PAPSS2: variants seen among roughly 807,000 people sequenced by gnomAD.
The protein encoded by PAPSS2 is 3'-phosphoadenosine 5'-phosphosulfate synthase 2.
In PAPSS2, 61 loss-of-function variants were observed where a neutral mutation model predicts 66.5. The ratio of observed to expected loss-of-function variants is 0.92; its 90% CI spans 0.75 to 1.14. The LOEUF (loss-of-function observed/expected upper bound fraction) is 1.14. Among genes scored for constraint, PAPSS2 ranks in the 50% most tolerant of loss-of-function variants. The pLI is 0.00. For missense variants in PAPSS2, 708 were observed against 789.6 expected (o/e 0.90, Z 1.24); for synonymous variants, 289 against 287.5 (o/e 1.01, Z -0.05).
intron 8 of PAPSS2, among the ~76,000 whole-genome samples, chr10:87,724,483 G>T (rs1853633268): frequency 6.6e-6 from 1 of 151,466 alleles, no homozygotes. Context: ...TATAGTCAGG[G>T]TTCTCCAGAG....
Position 87,659,889 on chromosome 10 carries a change from C to A in PAPSS2, c.-93C>A, listed in dbSNP as rs1269497685. 2.3e-6 allele frequency: 3 copies of A among 1,276,872 alleles called. No homozygotes were observed. The Admixed American group carries it at 5.2e-5, about 22-fold the overall frequency. The allele number at this position is 1,276,872 out of a possible 1,614,324, so 79.1% of individuals were successfully genotyped here. A position where few individuals can be genotyped will look rare whatever the true frequency, so the allele number is the denominator to read the frequency against. ...CCCGGGAGTCCGGCAGCCGCTGCTGCTGCTGCTGCTGCTGCTGCCGCCGCC... is the reference window on the plus strand; with the variant it reads ...CCCGGGAGTCCGGCAGCCGCTGCTGATGCTGCTGCTGCTGCTGCCGCCGCC... On this transcript the variant is annotated 5_prime_UTR_variant, in exon 1 of 13. The change creates a new upstream start codon in the 5' untranslated region. Transcript: ENST00000456849.
At chr10:87,744,970 T>C (rs753094546) in intron 11 of PAPSS2, 32 bp from the exon 12 acceptor site, 12 of 1,584,522 alleles carry the variant, frequency 7.6e-6, no homozygotes, top group Non-Finnish European at 9.5e-6. Context: ...TGACCCACAA[T>C]GACCAGCATG....
chr10:87,689,769 G>A (rs566306734), intron 1 of PAPSS2, among the ~76,000 whole-genome samples: 1 of 146,908 alleles, frequency 6.8e-6, no homozygotes, highest in Non-Finnish European at 1.5e-5. Context: ...AATAGAACAA[G>A]GGGTAAAGAG....
In PAPSS2 at chr10:87,660,063, C is replaced by G. The variant is rs1004798203; in HGVS notation, c.27+55C>G. On this transcript the variant is annotated intron_variant, in intron 1 of 12. Transcript: ENST00000456849. ...CGCCACCGCACTGCACGCGCCGACC[C>G]CCAACCCCCAATTCCCCGGCACTTG... 8.8e-5 allele frequency: 138 copies of G among 1,566,556 alleles called. No individual in the cohort carries two copies. In the Admixed American group the frequency reaches 1.3e-3, roughly 14 times the overall value.
intron 1 of PAPSS2, among the ~76,000 whole-genome samples, chr10:87,693,401 A>G (rs558287888): frequency 4.6e-5 from 7 of 152,340 alleles, no homozygotes; most frequent in African/African-American, 1.2e-4. Context: ...GCAGAGAGTG[A>G]ACAACCTTTG....
At chr10:87,700,014 CT>C (rs1271569214) in intron 1 of PAPSS2, among the ~76,000 whole-genome samples, 1 of 151,970 alleles carries the variant, frequency 6.6e-6, no homozygotes, top group African/African-American at 2.4e-5. Context: ...GATTTTCAGA[CT>C]TTTTTCTATA....
rs747792389 is a variant in PAPSS2, at chr10:87,714,173, G to T, written c.511G>T (p.Glu171Ter). ...KGLYKRARAG[E>*]IKGFTGIDSD... ...CCTCTATAAAAGGGCCAGAGCTGGGGAGATTAAAGGTAAGAGAATTGGCTA... is the reference window on the plus strand; with the variant it reads ...CCTCTATAAAAGGGCCAGAGCTGGGTAGATTAAAGGTAAGAGAATTGGCTA... Residue 171 changes from glutamate to a stop codon, truncating the protein, a stop_gained, in exon 4 of 13, where the codon GAG becomes TAG. Transcript: ENST00000456849. LOFTEE classifies it high-confidence loss of function. The T allele has an allele frequency of 6.2e-7, 1 of 1,613,280 alleles. No individual in the cohort carries two copies. The highest frequency in any genetic ancestry group is 8.5e-7 in the Non-Finnish European group (1 of 1,179,878).
At chr10:87,704,672 C>T (rs12256257) in intron 1 of PAPSS2, among the ~76,000 whole-genome samples, 22,406 of 152,110 alleles carry the variant, frequency 0.15, 1,707 homozygotes, top group South Asian at 0.24. Flanking sequence ...GACAAAGTCT[C>T]GCTCTTTTGC....
intron 1 of PAPSS2, among the ~76,000 whole-genome samples, chr10:87,694,858 A>G (rs917886397): frequency 6.6e-6 from 1 of 152,226 alleles, no homozygotes. Flanking sequence ...CAGGGAAATG[A>G]TGTGATGGCT....
At chr10:87,691,175 C>A (rs1311575446) in intron 1 of PAPSS2, among the ~76,000 whole-genome samples, 1 of 152,180 alleles carries the variant, frequency 6.6e-6, no homozygotes, top group Non-Finnish European at 1.5e-5. Context: ...TGGCACCTAT[C>A]CTCTTCCAAG....
chr10:87,720,250 A>G (rs927405806), intron 7 of PAPSS2, among the ~76,000 whole-genome samples: 1 of 152,150 alleles, frequency 6.6e-6, no homozygotes, highest in Admixed American at 6.5e-5. Context: ...CAATCTACAC[A>G]ACAAAATGGA....
rs66686947 is a variant in PAPSS2 at position 87,734,663 on chromosome 10, GTATATATATATATATATATATA to G, written c.1087-6550_1087-6529del. On this transcript the variant is annotated intron_variant, in intron 9 of 12. Coordinates refer to ENST00000456849, the MANE Select transcript of PAPSS2 (RefSeq NM_001015880.2). The stretch of plus-strand genomic sequence containing the variant: ...TGATAGCACAGAAATGAATGTGTGT[GTATATATATATATATATATATA>G]TATATATATATATATATATATGTAT... 1.2e-3 allele frequency among the ~76,000 whole-genome samples: 99 copies of G among 81,112 alleles called. 1 individual carries two copies. Among genetic ancestry groups the G allele is most frequent in the African/African-American group, 4.0e-3 (76 of 18,986 alleles). The allele number at this position is 81,112 out of a possible 152,430, so 53.2% of individuals were successfully genotyped here.
chr10:87,666,260 A>G (rs993943333), intron 1 of PAPSS2, among the ~76,000 whole-genome samples: 4 of 152,104 alleles, frequency 2.6e-5, no homozygotes, highest in African/African-American at 9.7e-5. Flanking sequence ...CACCATGCTC[A>G]TCCTGTTGTT....
At chr10:87,740,869 G>A (rs1268295716) in intron 9 of PAPSS2, among the ~76,000 whole-genome samples, 1 of 152,102 alleles carries the variant, frequency 6.6e-6, no homozygotes, top group African/African-American at 2.4e-5. Flanking sequence ...CCTACATTTG[G>A]GGAGGAAAAT....
At chr10:87,707,779 C>G (rs953911692) in intron 1 of PAPSS2, among the ~76,000 whole-genome samples, 28 of 151,810 alleles carry the variant, frequency 1.8e-4, no homozygotes, top group Non-Finnish European at 3.5e-4. Flanking sequence ...ACTATGTTGC[C>G]CAGGCTGATC....
rs138335902 is a variant in PAPSS2, at chr10:87,670,561, G to A, written c.27+10553G>A. ...ATATTCCCATTCTCAGGAGATGATT[G>A]CATAAAAAGATGGAGCACACACACA... On this transcript the variant is annotated intron_variant, in intron 1 of 12. Coordinates refer to ENST00000456849, the MANE Select transcript of PAPSS2 (RefSeq NM_001015880.2). Among the ~76,000 whole-genome samples, 4 of 143,168 alleles carry A rather than the reference G, an allele frequency of 2.8e-5. No homozygotes were observed. In the East Asian group the frequency reaches 9.0e-4, roughly 32 times the overall value. The allele number at this position is 143,168 out of a possible 152,430, so 93.9% of individuals were successfully genotyped here.
chr10:87,733,258 A>G (rs1369413221), intron 9 of PAPSS2, among the ~76,000 whole-genome samples: 1 of 152,206 alleles, frequency 6.6e-6, no homozygotes, highest in Non-Finnish European at 1.5e-5. Flanking sequence ...TTGACCTTCC[A>G]TTCAAGGCAT....
intron 1 of PAPSS2, among the ~76,000 whole-genome samples, chr10:87,696,786 A>G (rs139714593): frequency 2.0e-4 from 31 of 152,326 alleles, no homozygotes; most frequent in Non-Finnish European, 3.5e-4. Flanking sequence ...GGTTTTCGTG[A>G]TTTTGTTTGT....
chr10:87,713,696 G>C (rs1185107266), intron 3 of PAPSS2, among the ~76,000 whole-genome samples: 1 of 152,226 alleles, frequency 6.6e-6, no homozygotes, highest in Non-Finnish European at 1.5e-5. Flanking sequence ...CGGGTTCTAT[G>C]TGTTTAATGC....
Sources: gnomAD v4.1 joint callset for allele counts (sites outside exome capture counted in the v4.1 genomes callset) on GRCh38, gnomAD v4.1.1 for gene constraint, MANE v1.5 for transcripts, NCBI Gene and HGNC (gene_info 2026-07-23, HGNC 2026-07-21) for gene names.